The following CDC5L variants were observed in gnomAD, a reference collection of about 807,000 sequenced individuals.
CDC5L encodes cell division cycle 5 like.
In CDC5L, 18 loss-of-function variants were observed where a neutral mutation model predicts 104.1. That is an observed-to-expected ratio of 0.17 (90% CI 0.12 to 0.26). CDC5L has a LOEUF of 0.26. Among genes scored for constraint, CDC5L ranks in the 10% least tolerant of loss-of-function variants. The pLI is 1.00. For synonymous variants in CDC5L, 331 were observed against 322.7 expected (o/e 1.03, Z -0.28); for missense variants, 673 against 956.9 (o/e 0.70, Z 3.91).
chr6:44,393,346 G>GT (rs1461316126), intron 3 of CDC5L, 100 bp from the exon 4 acceptor site: 13 of 1,152,122 alleles, frequency 1.1e-5, no homozygotes, highest in East Asian at 2.5e-5. Flanking sequence ...CCATCCATTG[G>GT]TTTTTTTGGG....
rs1374736945 is a variant in CDC5L at position 44,448,230 on chromosome 6, G to A, written c.*1519G>A. 6.6e-6 allele frequency: 1 copy of A among 152,190 alleles called. No homozygotes were observed. Among genetic ancestry groups the A allele is most frequent in the Non-Finnish European group, 1.5e-5 (1 of 68,032 alleles). 9.4% of individuals were successfully genotyped at this position (152,190 alleles called of 1,614,324 possible). On this transcript the variant is annotated 3_prime_UTR_variant, in exon 16 of 16. Transcript: ENST00000371477. Reference sequence around the variant, plus strand: ...CTTTTGTATGTTTGAGGAACAAAAAGGACAATGCAGCTAGAGTGTCAAGAA... The same window carrying A: ...CTTTTGTATGTTTGAGGAACAAAAAAGACAATGCAGCTAGAGTGTCAAGAA...
chr6:44,396,503 A>C, intron 5 of CDC5L, 63 bp downstream of exon 5: 1 of 1,001,518 alleles, frequency 1.0e-6, no homozygotes, highest in Non-Finnish European at 1.5e-6. Flanking sequence ...AACACAGAAT[A>C]CTTCTGTGAC....
intron 10 of CDC5L, 127 bp downstream of exon 10, chr6:44,422,936 A>G: frequency 4.1e-6 from 2 of 489,042 alleles, no homozygotes; most frequent in Non-Finnish European, 7.0e-6. Context: ...TGGATGCCAG[A>G]AAAAGAATTA....
At chr6:44,397,341 T>A (rs1203878017) in intron 5 of CDC5L, among the ~76,000 whole-genome samples, 2 of 152,250 alleles carry the variant, frequency 1.3e-5, no homozygotes, top group Non-Finnish European at 2.9e-5. Flanking sequence ...TAGGCATCCT[T>A]AGGACCAATA....
chr6:44,441,509 G>A (rs1793187587), intron 14 of CDC5L, among the ~76,000 whole-genome samples: 1 of 152,172 alleles, frequency 6.6e-6, no homozygotes, highest in African/African-American at 2.4e-5. Context: ...TGATAATTCT[G>A]TTTTCAGTTT....
At chr6:44,417,352 C>T (rs1459619195) in intron 8 of CDC5L, among the ~76,000 whole-genome samples, 3 of 152,124 alleles carry the variant, frequency 2.0e-5, no homozygotes, top group Non-Finnish European at 2.9e-5. Context: ...TTGAACTTCT[C>T]ACGTGGTATC....
rs11571918 is a variant in CDC5L, at chr6:44,392,430, T to G, written c.150-237T>G. On this transcript the variant is annotated intron_variant, in intron 2 of 15. Transcript: ENST00000371477. ...TGAGAAAGAAGGCTTATGATCATGA[T>G]TCAGTGAAGTAACCTTTTTTAACCA... Among the ~76,000 whole-genome samples the G allele has an allele frequency of 1.6e-3, 242 of 152,308 alleles. 1 individual carries two copies. Among genetic ancestry groups the G allele is most frequent in the African/African-American group, 5.1e-3 (212 of 41,582 alleles).
chr6:44,439,935 G>T (rs965453897), intron 14 of CDC5L, among the ~76,000 whole-genome samples: 2 of 152,142 alleles, frequency 1.3e-5, no homozygotes, highest in Non-Finnish European at 2.9e-5. Context: ...CTCTTACCCC[G>T]CTGTACTGTA....
In CDC5L at chr6:44,390,962, ATATT is replaced by A. The variant is rs1470900071; in HGVS notation, c.149+594_149+597del. ...ATATGTTATATATTATATATTAAAC[ATATT>A]TAATATGTTATATATTATATATTAA... On this transcript the variant is annotated intron_variant, in intron 2 of 15. Transcript: ENST00000371477. Among the ~76,000 whole-genome samples the A allele has an allele frequency of 2.3e-5, 3 of 128,656 alleles. No homozygotes were observed. The East Asian group carries it at 6.1e-4, about 26-fold the overall frequency. 84.4% of individuals were successfully genotyped at this position (128,656 alleles called of 152,430 possible). A position where few individuals can be genotyped will look rare whatever the true frequency, so the allele number is the denominator to read the frequency against.
chr6:44,388,880 A>G (rs1790474939), intron 1 of CDC5L, among the ~76,000 whole-genome samples: 1 of 151,978 alleles, frequency 6.6e-6, no homozygotes, highest in Admixed American at 6.6e-5. Context: ...GTACTCGGTA[A>G]GTTTCTTAAC....
rs1381560853 is a variant in CDC5L at position 44,426,667 on chromosome 6, C to G, written c.1836C>G (p.His612Gln). 6.2e-7 allele frequency: 1 copy of G among 1,612,402 alleles called. No individual in the cohort carries two copies. Among genetic ancestry groups the G allele is most frequent in the Admixed American group, 1.7e-5 (1 of 60,000 alleles). ...TVGFGTNNSE[H>Q]ITYLEHNPYE... ...GGTTTGGTACCAATAATTCAGAGCA[C>G]ATTACCTATCTGGAACATAATCCTT... is the stretch of plus-strand genomic sequence containing the variant. The change falls in exon 13 of 16, where the codon CAC (histidine) becomes CAG (glutamine). Residue 612 changes from histidine to glutamine, a missense_variant. Around this residue, in one of 4 missense-constraint regions of CDC5L, gnomAD observed 578 missense variants for 737.0 expected, o/e 0.78. Coordinates refer to ENST00000371477, the MANE Select transcript of CDC5L (RefSeq NM_001253.4).
At chr6:44,434,290 G>A (rs1792824702) in intron 14 of CDC5L, among the ~76,000 whole-genome samples, 1 of 152,188 alleles carries the variant, frequency 6.6e-6, no homozygotes, top group Admixed American at 6.5e-5. Context: ...CCTTATAAAG[G>A]TTTTTAGTAA....
Position 44,406,391 on chromosome 6 carries a change from C to A in CDC5L, c.827C>A (p.Pro276Gln). 6.2e-7 allele frequency: 1 copy of A among 1,604,590 alleles called. No homozygotes were observed. Among genetic ancestry groups the A allele is most frequent in the South Asian group, 1.1e-5 (1 of 90,226 alleles). ...HLKRKKESDL[P>Q]SAILQTSGVS... ...AAAAGGAAAAAAGAATCTGATTTACCATCAGCTATTCTTCAAACTAGTGGT... is the reference window on the plus strand; with the variant it reads ...AAAAGGAAAAAAGAATCTGATTTACAATCAGCTATTCTTCAAACTAGTGGT... The change falls in exon 7 of 16, where the codon CCA becomes CAA. Residue 276 changes from proline to glutamine, a missense_variant. Physicochemically the swap from Pro to Gln is moderately conservative, Grantham distance 76. Coordinates refer to ENST00000371477, the MANE Select transcript of CDC5L (RefSeq NM_001253.4).
Position 44,392,831 on chromosome 6 carries a change from A to G in CDC5L, c.311+3A>G, listed in dbSNP as rs770917826. ...TTAGAACACTATGAATTTCTTCTGTAAGTGAGTCTTCAGAAAGAGCATAGA... is the reference window on the plus strand; with the variant it reads ...TTAGAACACTATGAATTTCTTCTGTGAGTGAGTCTTCAGAAAGAGCATAGA... On this transcript the variant is annotated splice_donor_region_variant and intron_variant, in intron 3 of 15. Transcript: ENST00000371477. 6 of 1,612,202 alleles carry G rather than the reference A, an allele frequency of 3.7e-6. 1 individual carries two copies. In the South Asian group the frequency reaches 5.5e-5, roughly 15 times the overall value.
At chr6:44,403,121 C>T (rs1791204863) in intron 5 of CDC5L, among the ~76,000 whole-genome samples, 2 of 152,178 alleles carry the variant, frequency 1.3e-5, no homozygotes, top group South Asian at 4.1e-4. Context: ...TTTTTCATTA[C>T]CAGTGCAGCA....
At chr6:44,418,798 A>C (rs537483596) in intron 8 of CDC5L, among the ~76,000 whole-genome samples, 47 of 149,898 alleles carry the variant, frequency 3.1e-4, no homozygotes, top group African/African-American at 1.1e-3. Flanking sequence ...TCTTCTTTTG[A>C]GAAGTGTCTG....
intron 4 of CDC5L, 133 bp downstream of exon 4, chr6:44,393,706 C>A: frequency 1.1e-6 from 1 of 886,058 alleles, no homozygotes; most frequent in Non-Finnish European, 1.6e-6. Context: ...GCTCTGTTAC[C>A]CAGGCTGGAA....
At chr6:44,441,730 C>T (rs968227326) in intron 14 of CDC5L, among the ~76,000 whole-genome samples, 1 of 151,962 alleles carries the variant, frequency 6.6e-6, no homozygotes, top group African/African-American at 2.4e-5. Flanking sequence ...GCATTTTTTT[C>T]ATGTACCTGT....
At chr6:44,446,212 T>A (rs1049582672) in intron 15 of CDC5L, among the ~76,000 whole-genome samples, 1 of 152,218 alleles carries the variant, frequency 6.6e-6, no homozygotes, top group Admixed American at 6.5e-5. Context: ...TATCTTTTTG[T>A]TTTATACCTT....
Sources: gnomAD v4.1 joint callset for allele counts (sites outside exome capture counted in the v4.1 genomes callset) on GRCh38, gnomAD v4.1.1 for gene constraint, gnomAD v4.1.1 regional missense constraint, MANE v1.5 for transcripts, NCBI Gene and HGNC (gene_info 2026-07-23, HGNC 2026-07-21) for gene names.